Variants in PDE10A observed in about 807,000 individuals in gnomAD.
The protein encoded by PDE10A is cAMP and cAMP-inhibited cGMP 3',5'-cyclic phosphodiesterase 10A.
Under a neutral mutation model 97.7 loss-of-function variants are expected in PDE10A, and 39 were observed. That is an observed-to-expected ratio of 0.40 (90% CI 0.31 to 0.52). The LOEUF (loss-of-function observed/expected upper bound fraction) is 0.52, where lower values mean the gene tolerates loss of function less well. Ranked by LOEUF, PDE10A falls within the 20% of genes least tolerant of loss-of-function variation. The pLI is 0.56. For synonymous variants in PDE10A, 371 were observed against 376.8 expected (o/e 0.98, Z 0.18); for missense variants, 731 against 1,047.8 (o/e 0.70, Z 4.17).
At chr6:165,869,823 G>A (rs1032559290) in intron 1 of PDE10A, among the ~76,000 whole-genome samples, 1 of 151,814 alleles carries the variant, frequency 6.6e-6, no homozygotes, top group Non-Finnish European at 1.5e-5. Context: ...TTTGACAAAG[G>A]CACCAAGAAC....
At chr6:165,651,787 T>C (rs1789699441) in intron 1 of PDE10A, among the ~76,000 whole-genome samples, 1 of 152,234 alleles carries the variant, frequency 6.6e-6, no homozygotes, top group South Asian at 2.1e-4. Context: ...TACCTATATA[T>C]GTACATATGT....
intron 1 of PDE10A, among the ~76,000 whole-genome samples, chr6:165,637,214 G>T (rs140277382): frequency 6.6e-6 from 1 of 152,262 alleles, no homozygotes; most frequent in African/African-American, 2.4e-5. Context: ...CCCCAGGACC[G>T]ATGCACTTAA....
intron 2 of PDE10A, among the ~76,000 whole-genome samples, chr6:165,542,612 CTTTTTTTTTTTTT>C (rs545149187): frequency 1.3e-5 from 1 of 76,424 alleles, no homozygotes; most frequent in East Asian, 5.7e-4. Context: ...TGTCCTTGTT[CTTTTTTTTTTTTT>C]TTTTTTTTTT....
chr6:165,557,311 A>G (rs1784305446), intron 1 of PDE10A, among the ~76,000 whole-genome samples: 1 of 151,848 alleles, frequency 6.6e-6, no homozygotes, highest in South Asian at 2.1e-4. Flanking sequence ...GACCAAAGAA[A>G]GAGACTTATA....
chr6:165,733,459 AC>A (rs1485133338), intron 1 of PDE10A, among the ~76,000 whole-genome samples: 1 of 152,172 alleles, frequency 6.6e-6, no homozygotes, highest in Non-Finnish European at 1.5e-5. Context: ...CATGAAACAG[AC>A]TTTTCTACTA....
intron 2 of PDE10A, among the ~76,000 whole-genome samples, chr6:165,539,071 C>T (rs566716993): frequency 6.6e-6 from 1 of 152,118 alleles, no homozygotes; most frequent in South Asian, 2.1e-4. Context: ...GAGGATGTAT[C>T]GGCTTTAATG....
chr6:165,855,650 C>T (rs548484894), intron 1 of PDE10A, among the ~76,000 whole-genome samples: 4 of 152,132 alleles, frequency 2.6e-5, no homozygotes, highest in Non-Finnish European at 5.9e-5. Context: ...ATCGGGAATT[C>T]TAGCTTCCCA....
At chr6:165,750,744 A>G (rs547751785) in intron 1 of PDE10A, among the ~76,000 whole-genome samples, 10 of 152,168 alleles carry the variant, frequency 6.6e-5, no homozygotes, top group Non-Finnish European at 1.3e-4. Context: ...GTTCCATTTC[A>G]GACTCAATCT....
intron 1 of PDE10A, among the ~76,000 whole-genome samples, chr6:165,619,522 GTGTAGTGTAGTCTAA>G (rs1787995643): frequency 5.2e-5 from 3 of 57,414 alleles, no homozygotes; most frequent in Middle Eastern, 7.8e-3. Flanking sequence ...GTCTAGTGTA[GTGTAGTGTAGTCTAA>G]TGTAGTGTAG....
Position 165,332,616 on chromosome 6 carries a change from TTGA to T in PDE10A, c.*406_*408del, listed in dbSNP as rs1274749752. 6.1e-6 allele frequency: 1 copy of T among 163,324 alleles called. No homozygotes were observed. Among genetic ancestry groups the T allele is most frequent in the Non-Finnish European group, 1.3e-5 (1 of 75,820 alleles). 10.1% of individuals were successfully genotyped at this position (163,324 alleles called of 1,614,324 possible). ...TATATCCAACAACATCAAAGCAACA[TTGA>T]TGTTAAAGCCCAAGTACAATACCAT... On this transcript the variant is annotated 3_prime_UTR_variant, in exon 22 of 22. Coordinates refer to ENST00000539869, the MANE Select transcript of PDE10A (RefSeq NM_001385079.1).
intron 1 of PDE10A, among the ~76,000 whole-genome samples, chr6:165,835,717 C>T (rs542293338): frequency 1.9e-4 from 29 of 152,260 alleles, no homozygotes; most frequent in African/African-American, 6.5e-4. Flanking sequence ...ACCTGGAGAA[C>T]AGGGAGTCCC....
chr6:165,553,733 A>C (rs1784123848), intron 1 of PDE10A, among the ~76,000 whole-genome samples: 1 of 152,248 alleles, frequency 6.6e-6, no homozygotes, highest in Non-Finnish European at 1.5e-5. Flanking sequence ...TTCTAAACCA[A>C]AGTGAAATTA....
chr6:165,571,378 A>G (rs1785042763), intron 1 of PDE10A, among the ~76,000 whole-genome samples: 1 of 152,228 alleles, frequency 6.6e-6, no homozygotes, highest in Non-Finnish European at 1.5e-5. Flanking sequence ...AGTCCTGCCA[A>G]TAGACTGGAA....
chr6:165,477,654 T>C lies in PDE10A; in HGVS notation c.1023+4661A>G, dbSNP rs1218758564. 5.3e-5 allele frequency among the ~76,000 whole-genome samples: 8 copies of C among 152,286 alleles called. No homozygotes were observed. The East Asian group carries it at 1.5e-3, about 29-fold the overall frequency. On this transcript the variant is annotated intron_variant, in intron 3 of 21. Coordinates refer to ENST00000539869, the MANE Select transcript of PDE10A (RefSeq NM_001385079.1). ...TCCACACTCAGCATTTCCTAGATGA[T>C]AATTATTGTAAAGGGGGCACAGGAA...
intron 1 of PDE10A, among the ~76,000 whole-genome samples, chr6:165,597,741 C>T (rs1786687900): frequency 1.3e-5 from 2 of 152,322 alleles, no homozygotes; most frequent in South Asian, 4.1e-4. Flanking sequence ...ATCTCAGCAA[C>T]ATCAAACTGC....
chr6:165,696,082 A>G (rs1791437328), intron 1 of PDE10A, among the ~76,000 whole-genome samples: 1 of 152,108 alleles, frequency 6.6e-6, no homozygotes, highest in African/African-American at 2.4e-5. Flanking sequence ...AACATCAGAG[A>G]CATGACACTG....
At chr6:165,947,742 A>G (rs917320137) in intron 1 of PDE10A, among the ~76,000 whole-genome samples, 2 of 152,038 alleles carry the variant, frequency 1.3e-5, no homozygotes, top group Non-Finnish European at 2.9e-5. Flanking sequence ...GCTACTTTTG[A>G]TGTCGAAATT....
At chr6:165,635,038 C>T (rs903391018) in intron 1 of PDE10A, among the ~76,000 whole-genome samples, 4 of 152,144 alleles carry the variant, frequency 2.6e-5, no homozygotes, top group African/African-American at 9.7e-5. Flanking sequence ...AATAAAGATC[C>T]ATTTGCCTTA....
intron 1 of PDE10A, among the ~76,000 whole-genome samples, chr6:165,618,926 C>T (rs560922447): frequency 6.7e-6 from 1 of 148,650 alleles, no homozygotes; most frequent in East Asian, 2.0e-4. Context: ...ATGAGAGAAG[C>T]GTGTAGTCTA....
Sources: allele counts gnomAD v4.1 joint callset (sites outside exome capture counted in the v4.1 genomes callset), GRCh38; gene constraint gnomAD v4.1.1; transcripts MANE v1.5; gene names NCBI Gene and HGNC (gene_info 2026-07-23, HGNC 2026-07-21).